KCNAB2: variants seen among roughly 807,000 people sequenced by gnomAD.
The protein encoded by KCNAB2 is potassium voltage-gated channel subfamily A regulatory beta subunit 2.
In KCNAB2, 29 loss-of-function variants were observed where a neutral mutation model predicts 63.6. The ratio of observed to expected loss-of-function variants is 0.46; its 90% confidence interval spans 0.34 to 0.62. The LOEUF is 0.62. KCNAB2 is among the 20% of genes least tolerant of loss of function. KCNAB2 has a pLI of 0.01. For synonymous variants in KCNAB2, 222 were observed against 224.2 expected (o/e 0.99, Z 0.09); for missense variants, 359 against 563.9 (o/e 0.64, Z 3.68).
At chr1:5,996,812 C>T (rs1479895149) in intron 1 of KCNAB2, among the ~76,000 whole-genome samples, 1 of 152,210 alleles carries the variant, frequency 6.6e-6, no homozygotes. Flanking sequence ...ATCTATCATC[C>T]AACTCCATGG....
intron 1 of KCNAB2, among the ~76,000 whole-genome samples, chr1:6,005,656 G>A (rs1343124010): frequency 6.6e-6 from 1 of 151,956 alleles, no homozygotes; most frequent in Non-Finnish European, 1.5e-5. Flanking sequence ...AGAGAGATGG[G>A]TTTAGTGGCC....
chr1:6,008,553 G>T (rs1447571680), intron 1 of KCNAB2, among the ~76,000 whole-genome samples: 1 of 151,152 alleles, frequency 6.6e-6, no homozygotes, highest in Non-Finnish European at 1.5e-5. Flanking sequence ...CCCGGGTGGC[G>T]TGGTGGAAGT....
intron 2 of KCNAB2, among the ~76,000 whole-genome samples, chr1:6,072,329 G>T (rs1663276256): frequency 6.6e-6 from 1 of 152,240 alleles, no homozygotes; most frequent in Non-Finnish European, 1.5e-5. Context: ...TCCTGCCCCA[G>T]TCGCTGGAGA....
intron 2 of KCNAB2, among the ~76,000 whole-genome samples, chr1:6,057,401 T>C (rs1420164229): frequency 1.3e-5 from 2 of 152,090 alleles, no homozygotes; most frequent in Non-Finnish European, 2.9e-5. Flanking sequence ...GAGCTGGGAA[T>C]CCAGGTGTGT....
chr1:6,029,036 C>T (rs1329094167), intron 1 of KCNAB2, among the ~76,000 whole-genome samples: 2 of 152,202 alleles, frequency 1.3e-5, no homozygotes, highest in South Asian at 2.1e-4. Flanking sequence ...TGAGCCTTCA[C>T]TTTGGGAGGC....
At chr1:6,095,270 C>A (rs1455732098) in intron 11 of KCNAB2, 53 bp from the exon 12 acceptor site, 27 of 1,548,246 alleles carry the variant, frequency 1.7e-5, no homozygotes, top group Admixed American at 3.9e-5. Context: ...GCCCCGGCAG[C>A]CTCCCGCCTG....
upstream of KCNAB2, chr1:6,041,125 G>A (rs1557440530): frequency 6.3e-6 from 1 of 158,414 alleles, no homozygotes; most frequent in Non-Finnish European, 1.4e-5. Context: ...ATGCTCCTGG[G>A]GCATCCTGAC....
chr1:6,058,739 G>C (rs1266583755), intron 2 of KCNAB2, among the ~76,000 whole-genome samples: 4 of 152,262 alleles, frequency 2.6e-5, no homozygotes, highest in African/African-American at 9.6e-5. Flanking sequence ...CATCAGGAAG[G>C]AACAGGAGGA....
chr1:6,040,538 C>A, exon 2 of KCNAB2: 1 of 1,602,828 alleles, frequency 6.2e-7, no homozygotes, highest in Non-Finnish European at 8.5e-7. Context: ...TGTAAAAAAC[C>A]GAGCAAGTCT....
upstream of KCNAB2, among the ~76,000 whole-genome samples, chr1:6,034,117 AG>A (rs1659845024): frequency 6.6e-6 from 1 of 152,344 alleles, no homozygotes; most frequent in East Asian, 1.9e-4. Context: ...TCTGCGCTAA[AG>A]GAGCCACTGT....
chr1:6,084,980 A>G (rs1035933379), intron 5 of KCNAB2, among the ~76,000 whole-genome samples: 18 of 152,186 alleles, frequency 1.2e-4, no homozygotes, highest in African/African-American at 2.2e-4. Context: ...GCAGGGGAAC[A>G]TGCCACAGCC....
chr1:6,031,024 C>T (rs927850911), upstream of KCNAB2, among the ~76,000 whole-genome samples: 10 of 151,948 alleles, frequency 6.6e-5, no homozygotes, highest in African/African-American at 1.5e-4. This position sits in a 1 kb window ranked among gnomAD's most constrained non-coding sequence, Gnocchi z 4.1. Flanking sequence ...AGTAACTCCA[C>T]CTCCCATACC....
chr1:6,059,512 C>T (rs1662124905), intron 2 of KCNAB2, among the ~76,000 whole-genome samples: 1 of 152,136 alleles, frequency 6.6e-6, no homozygotes, highest in Non-Finnish European at 1.5e-5. Context: ...CTACCGATCC[C>T]CAGGCCCCTT....
intron 2 of KCNAB2, among the ~76,000 whole-genome samples, chr1:6,072,331 C>A (rs1277890420): frequency 6.6e-6 from 1 of 152,200 alleles, no homozygotes; most frequent in African/African-American, 2.4e-5. Context: ...CTGCCCCAGT[C>A]GCTGGAGACA....
chr1:6,045,105 C>T (rs1660807868), upstream of KCNAB2, among the ~76,000 whole-genome samples: 1 of 152,208 alleles, frequency 6.6e-6, no homozygotes, highest in African/African-American at 2.4e-5. The surrounding 1 kb of genome is among the most constrained non-coding windows in gnomAD (Gnocchi z 4.8). Context: ...CACCTCCAGA[C>T]TCTACGTGCT....
Position 6,073,363 on chromosome 1 carries a change from G to A in KCNAB2, c.263-370G>A, listed in dbSNP as rs528760704. 2.0e-5 allele frequency among the ~76,000 whole-genome samples: 3 copies of A among 152,212 alleles called. No homozygotes were observed. Among genetic ancestry groups the A allele is most frequent in the East Asian group, 3.9e-4 (2 of 5,158 alleles). On this transcript the variant is annotated intron_variant, in intron 3 of 15. Coordinates refer to ENST00000378083, the MANE Select transcript of KCNAB2 (RefSeq NM_001199862.2). The surrounding 1 kb of genome is among the most constrained non-coding windows in gnomAD (Gnocchi z 5.7). ...CCCCGCTCTGTCCCAGCAGGAGCAC[G>A]CAGACGCGGCTGTCAGACCTGGTGT...
intron 1 of KCNAB2, among the ~76,000 whole-genome samples, chr1:6,039,056 C>T (rs116537016): frequency 0.015 from 2,237 of 152,298 alleles, 50 homozygotes; most frequent in African/African-American, 0.049. Context: ...AACTGGGGCA[C>T]CACAGACCCG....
At position 6,097,081 on chromosome 1, in the gene KCNAB2, G is replaced by A. The variant is rs41279462; in HGVS notation, c.1070-188G>A. ...GGCCACCTCTCCATCAGGGAGCAGC[G>A]GGCTCCCCCATGCCTCCTCCAGCCA... On this transcript the variant is annotated intron_variant, in intron 14 of 15. Transcript: ENST00000378083. Among the ~76,000 whole-genome samples, 1,093 of 152,236 alleles carry A rather than the reference G, an allele frequency of 7.2e-3. 9 individuals carry two copies. Among genetic ancestry groups the A allele is most frequent in the Non-Finnish European group, 0.012 (824 of 67,996 alleles).
intron 1 of KCNAB2, among the ~76,000 whole-genome samples, chr1:6,046,620 C>G (rs1361731680): frequency 6.6e-6 from 1 of 152,232 alleles, no homozygotes; most frequent in East Asian, 1.9e-4. Context: ...CTGAGGGAGC[C>G]AGGGGCTGCT....
Sources: gnomAD v4.1 joint callset for allele counts (sites outside exome capture counted in the v4.1 genomes callset) on GRCh38, gnomAD v4.1.1 for gene constraint, Gnocchi (gnomAD v3.1) non-coding constraint, MANE v1.5 for transcripts, NCBI Gene and HGNC (gene_info 2026-07-23, HGNC 2026-07-21) for gene names.